Variants in GSC2 observed in about 807,000 individuals in gnomAD.
GSC2 encodes the protein homeobox protein goosecoid-2.
GSC2 carries 12 observed loss-of-function variants against 11.3 expected under a neutral mutation model. That is an observed-to-expected ratio of 1.06 (90% CI 0.68 to 1.72). The LOEUF (loss-of-function observed/expected upper bound fraction) is 1.72, where lower values mean the gene tolerates loss of function less well. Among genes scored for constraint, GSC2 ranks in the 40% most tolerant of loss-of-function variants. The pLI is 0.00. For synonymous variants in GSC2, 148 were observed against 110.0 expected, an observed-to-expected ratio of 1.35 and a Z score of -2.16; for missense variants, 310 against 235.7, an observed-to-expected ratio of 1.32 and a Z score of -2.06.
At chr22:19,149,328 T>C (rs782694844) in intron 2 of GSC2, among the ~76,000 whole-genome samples, 4 of 152,226 alleles carry the variant, frequency 2.6e-5, no homozygotes, top group Non-Finnish European at 4.4e-5. Flanking sequence ...AGCCTCCAGC[T>C]GGCGGCGACC....
In GSC2 at chr22:19,148,830, C is replaced by G. The variant is rs543047105; in HGVS notation, c.*161G>C. 3.8e-5 allele frequency: 21 copies of G among 547,884 alleles called. No individual in the cohort carries two copies. The highest frequency in any genetic ancestry group is 2.4e-4 in the African/African-American group (12 of 51,008). The allele number at this position is 547,884 out of a possible 1,614,324, so 33.9% of individuals were successfully genotyped here. A position where few individuals can be genotyped will look rare whatever the true frequency, so the allele number is the denominator to read the frequency against. ...CCAAGCACCGGGGGCCCGTCCCCAG[C>G]GCCACGGCAGCACGAGCTGCAGGAG... On this transcript the variant is annotated 3_prime_UTR_variant, in exon 3 of 3. Coordinates refer to ENST00000086933, the MANE Select transcript of GSC2 (RefSeq NM_005315.2).
chr22:19,149,240 G>A (rs1014937030), intron 2 of GSC2, 145 bp from the exon 3 acceptor site: 13 of 559,706 alleles, frequency 2.3e-5, no homozygotes, highest in Non-Finnish European at 2.5e-5. Flanking sequence ...CCGCGGCTGC[G>A]CGCCACCTGC....
In GSC2 at chr22:19,149,774, G is replaced by C. The variant is rs1250705040; in HGVS notation, c.402C>G (p.Ser134Arg). 6.3e-7 allele frequency: 1 copy of C among 1,595,274 alleles called. No individual in the cohort carries two copies. The highest frequency in any genetic ancestry group is 8.5e-7 in the Non-Finnish European group (1 of 1,172,776). Residue 134 changes from serine (S) to arginine (R), a missense_variant, in exon 2 of 3, where the codon AGC (serine) becomes AGG (arginine). Coordinates refer to ENST00000086933, the MANE Select transcript of GSC2 (RefSeq NM_005315.2). ...RRTRRHRTIFSEEQLQALEAL... is the reference protein window; with the variant it reads ...RRTRRHRTIFREEQLQALEAL... Reference sequence around the variant, plus strand: ...CCTCGAGCGCCTGCAGCTGCTCTTCGCTGAAGATGGTGCGGTGGCGCCTCG... The same window carrying C: ...CCTCGAGCGCCTGCAGCTGCTCTTCCCTGAAGATGGTGCGGTGGCGCCTCG...
Position 19,149,899 on chromosome 22 carries a change from G to T in GSC2, c.277C>A (p.Pro93Thr). 7.2e-7 allele frequency: 1 copy of T among 1,380,044 alleles called. No individual in the cohort carries two copies. Among genetic ancestry groups the T allele is most frequent in the South Asian group, 1.6e-5 (1 of 61,186 alleles). The allele number at this position is 1,380,044 out of a possible 1,614,324, so 85.5% of individuals were successfully genotyped here. A position where few individuals can be genotyped will look rare whatever the true frequency, so the allele number is the denominator to read the frequency against. The part of the protein sequence containing the change: ...AAGLGARLAW[P>T]LRLGPAVPLS... The stretch of plus-strand genomic sequence containing the variant: ...GGCACCGCCGGTCCCAGCCTCAGCG[G>T]CCACGCCAGACGAGCGCCTGCGGAG... Residue 93 changes from proline (P) to threonine (T), a missense_variant, in exon 2 of 3, where the codon CCG becomes ACG. Coordinates refer to ENST00000086933, the MANE Select transcript of GSC2 (RefSeq NM_005315.2).
In GSC2 at chr22:19,150,073, C is replaced by G; in HGVS notation, c.211G>C (p.Gly71Arg). The stretch of plus-strand genomic sequence containing the variant: ...GGCCCGCAGGGCGCCGCGCGGGGGC[C>G]GCAGCAGCAGCAGCAGGCGCAGGGC... Reference protein sequence around the residue: ...AAPCACCCCCGPRAAPCGPPE... With the variant: ...AAPCACCCCCRPRAAPCGPPE... The change falls in exon 1 of 3, where the codon GGC becomes CGC. Residue 71 changes from glycine to arginine, a missense_variant. Gly to Arg is a moderately radical substitution (Grantham distance 125, BLOSUM62 -2). Coordinates refer to ENST00000086933, the MANE Select transcript of GSC2 (RefSeq NM_005315.2). 1.0e-6 allele frequency: 1 copy of G among 999,308 alleles called. No homozygotes were observed. Among genetic ancestry groups the G allele is most frequent in the Non-Finnish European group, 1.2e-6 (1 of 840,610 alleles). 61.9% of individuals were successfully genotyped at this position (999,308 alleles called of 1,614,324 possible).
chr22:19,149,653 G>T lies in GSC2; in HGVS notation c.513+10C>A. On this transcript the variant is annotated intron_variant, in intron 2 of 2. Transcript: ENST00000086933. ...GCGCGCTCCGGGGAAAGGCTGGGCG[G>T]GGCACTCACCTCCACGCGCTCCTCG... 1 of 1,527,962 alleles carries T rather than the reference G, an allele frequency of 6.5e-7. No homozygotes were observed. The highest frequency in any genetic ancestry group is 8.8e-7 in the Non-Finnish European group (1 of 1,142,600). 94.7% of individuals were successfully genotyped at this position (1,527,962 alleles called of 1,614,324 possible). A position where few individuals can be genotyped will look rare whatever the true frequency, so the allele number is the denominator to read the frequency against.
intron 2 of GSC2, 83 bp from the exon 3 acceptor site, chr22:19,149,178 G>A (rs577654672): frequency 1.8e-5 from 15 of 839,098 alleles, no homozygotes; most frequent in Admixed American, 1.6e-4. Flanking sequence ...ACCGAGAGGG[G>A]AGCTTCGCAA....
chr22:19,149,585 G>C, intron 2 of GSC2, 78 bp downstream of exon 2: 1 of 1,380,808 alleles, frequency 7.2e-7, no homozygotes, highest in Non-Finnish European at 9.4e-7. Flanking sequence ...CTTTGCAAAG[G>C]GCGCCCGCCC....
At chr22:19,149,116 C>A (rs1555917861) in intron 2 of GSC2, 21 bp from the exon 3 acceptor site, 1 of 1,425,124 alleles carries the variant, frequency 7.0e-7, no homozygotes, top group South Asian at 1.3e-5. Flanking sequence ...GGGGAATGCT[C>A]AGCCCTAGCC....
chr22:19,150,140 C>T lies in GSC2; in HGVS notation c.144G>A (p.Gln48=), dbSNP rs1555918170. The change falls in exon 1 of 3, where the codon CAG becomes CAA. Residue 48 remains glutamine, a synonymous_variant. Coordinates refer to ENST00000086933, the MANE Select transcript of GSC2 (RefSeq NM_005315.2). ...CGGGCTCCTCTGGCTTCGCGGGGCT[C>T]TGGCGACCGGCGGGCTGCGGTGGGC... is the stretch of plus-strand genomic sequence containing the variant. ...AACPPQPAGR[Q]SPAKPEEPGA... 3 of 942,560 alleles carry T rather than the reference C, an allele frequency of 3.2e-6. No individual in the cohort carries two copies. The highest frequency in any genetic ancestry group is 9.3e-5 in the South Asian group (2 of 21,550). 58.4% of individuals were successfully genotyped at this position (942,560 alleles called of 1,614,324 possible). A position where few individuals can be genotyped will look rare whatever the true frequency, so the allele number is the denominator to read the frequency against.
chr22:19,149,941 C>G, intron 1 of GSC2, 25 bp from the exon 2 acceptor site: 1 of 1,306,974 alleles, frequency 7.7e-7, no homozygotes, highest in East Asian at 3.3e-5. Flanking sequence ...CGCGGTGAGG[C>G]GCGGGGCTGG....
rs782761447 is a variant in GSC2, at chr22:19,149,820, C to A, written c.356G>T (p.Gly119Val). The A allele has an allele frequency of 7.0e-6, 11 of 1,564,300 alleles. No homozygotes were observed. The highest frequency in any genetic ancestry group is 1.8e-5 in the Admixed American group (1 of 54,836). Reference sequence around the variant, plus strand: ...CCTCGTGCGCCGCTGCGAACCCGGGCCGACCGCGCCCGGGAGCGCCCCGGA... The same window carrying A: ...CCTCGTGCGCCGCTGCGAACCCGGGACGACCGCGCCCGGGAGCGCCCCGGA... ...GGSGALPGAV[G>V]PGSQRRTRRH... The change falls in exon 2 of 3, where the codon GGC becomes GTC. Residue 119 changes from glycine (G) to valine (V), a missense_variant. By Grantham distance (109) the Gly-to-Val change is moderately radical. Coordinates refer to ENST00000086933, the MANE Select transcript of GSC2 (RefSeq NM_005315.2).
At chr22:19,149,480 C>T (rs1490564815) in intron 2 of GSC2, among the ~76,000 whole-genome samples, 183 bp downstream of exon 2, 1 of 152,264 alleles carries the variant, frequency 6.6e-6, no homozygotes, top group Non-Finnish European at 1.5e-5. Flanking sequence ...CGGCACCTCC[C>T]TGCTCTCACC....
rs2083816858 is a variant in GSC2 at position 19,149,753 on chromosome 22, G to A, written c.423C>T (p.Leu141=). The part of the protein sequence containing the change: ...TIFSEEQLQA[L]EALFVQNQYP... ...ACTGGTTCTGCACGAAAAGCGCCTC[G>A]AGCGCCTGCAGCTGCTCTTCGCTGA... is the stretch of plus-strand genomic sequence containing the variant. Residue 141 remains leucine (L), a synonymous_variant, in exon 2 of 3, where the codon CTC becomes CTT. Transcript: ENST00000086933. The A allele has an allele frequency of 6.3e-7, 1 of 1,595,538 alleles. No individual in the cohort carries two copies. Among genetic ancestry groups the A allele is most frequent in the Non-Finnish European group, 8.5e-7 (1 of 1,172,892 alleles).
rs1159610397 is a variant in GSC2, at chr22:19,150,073, C to CGCAGCA, written c.205_210dup (p.Cys69_Cys70dup). 2.7e-5 allele frequency: 27 copies of CGCAGCA among 999,214 alleles called. No homozygotes were observed. Among genetic ancestry groups the CGCAGCA allele is most frequent in the Middle Eastern group, 5.0e-4 (1 of 2,012 alleles). 61.9% of individuals were successfully genotyped at this position (999,214 alleles called of 1,614,324 possible). ...GGCCCGCAGGGCGCCGCGCGGGGGC[C>CGCAGCA]GCAGCAGCAGCAGCAGGCGCAGGGC... On this transcript the variant is annotated inframe_insertion, in exon 1 of 3. Coordinates refer to ENST00000086933, the MANE Select transcript of GSC2 (RefSeq NM_005315.2).
intron 2 of GSC2, 71 bp downstream of exon 2, chr22:19,149,592 G>T (rs545192893): frequency 1.6e-5 from 23 of 1,394,040 alleles, no homozygotes; most frequent in South Asian, 1.1e-4. Flanking sequence ...AAGGGCGCCC[G>T]CCCGCCAGGA....
rs1379290645 is a variant in GSC2 at position 19,148,124 on chromosome 22, G to T, written c.*867C>A. On this transcript the variant is annotated 3_prime_UTR_variant, in exon 3 of 3. Coordinates refer to ENST00000086933, the MANE Select transcript of GSC2 (RefSeq NM_005315.2). ...ATGAAAACCCCAGGAGGAAGCAGGG[G>T]ACCCTCACCCATGGGCAGGTTCACA... 1.3e-5 allele frequency among the ~76,000 whole-genome samples: 2 copies of T among 152,142 alleles called. No homozygotes were observed. The highest frequency in any genetic ancestry group is 4.8e-5 in the African/African-American group (2 of 41,428).
chr22:19,149,306 A>G (rs565389333), intron 2 of GSC2, among the ~76,000 whole-genome samples: 1 of 152,276 alleles, frequency 6.6e-6, no homozygotes, highest in South Asian at 2.1e-4. Flanking sequence ...GAACCCCCTT[A>G]GTACCCGCCC....
rs2083820271 is a variant in GSC2 at position 19,150,087 on chromosome 22, C to T, written c.197G>A (p.Cys66Tyr). ...CGCGCGGGGGCCGCAGCAGCAGCAGCAGGCGCAGGGCGCAGCCTCGGGCGC... is the reference window on the plus strand; with the variant it reads ...CGCGCGGGGGCCGCAGCAGCAGCAGTAGGCGCAGGGCGCAGCCTCGGGCGC... ...PGAPEAAPCA[C>Y]CCCCGPRAAP... is the part of the protein sequence containing the mutation. The change falls in exon 1 of 3, where the codon TGC becomes TAC. Residue 66 changes from cysteine to tyrosine, a missense_variant. Coordinates refer to ENST00000086933, the MANE Select transcript of GSC2 (RefSeq NM_005315.2). 2.7e-5 allele frequency: 27 copies of T among 1,001,184 alleles called. No homozygotes were observed. Among genetic ancestry groups the T allele is most frequent in the Non-Finnish European group, 3.2e-5 (27 of 841,748 alleles). 62.0% of individuals were successfully genotyped at this position (1,001,184 alleles called of 1,614,324 possible). A position where few individuals can be genotyped will look rare whatever the true frequency, so the allele number is the denominator to read the frequency against.
Sources: allele counts gnomAD v4.1 joint callset (sites outside exome capture counted in the v4.1 genomes callset), GRCh38; gene constraint gnomAD v4.1.1; transcripts MANE v1.5; gene names NCBI Gene and HGNC (gene_info 2026-07-23, HGNC 2026-07-21).